The following RNPC3 variants were observed in gnomAD, a reference collection of about 807,000 sequenced individuals.
The protein encoded by RNPC3 is RNA binding region (RNP1, RRM) containing 3, also known as RNA-binding region-containing protein 3.
A neutral mutation model predicts 67.5 loss-of-function variants in RNPC3; 48 were observed. The ratio of observed to expected loss-of-function variants is 0.71; its 90% CI spans 0.56 to 0.90. The LOEUF is 0.90. RNPC3 is among the 40% of genes least tolerant of loss of function. The pLI, the probability that RNPC3 is intolerant of heterozygous loss-of-function variation, is 0.00. For missense variants in RNPC3, 637 were observed against 626.1 expected (o/e 1.02, Z -0.19); for synonymous variants, 239 against 210.3 (o/e 1.14, Z -1.18).
intron 12 of RNPC3, among the ~76,000 whole-genome samples, chr1:103,550,640 CAAAAA>C (rs34109337): frequency 2.3e-4 from 20 of 88,646 alleles, no homozygotes; most frequent in Admixed American, 2.1e-3. Context: ...GACTCTGTCT[CAAAAA>C]AAAAAAAAAA....
chr1:103,545,807 A>C (rs1196560911), intron 10 of RNPC3: 1 of 152,428 alleles, frequency 6.6e-6, no homozygotes, highest in Non-Finnish European at 1.5e-5. Context: ...TGGTTTGGGA[A>C]ATTCACTTTA....
chr1:103,548,053 G>C (rs1039746613), intron 12 of RNPC3, among the ~76,000 whole-genome samples: 1 of 152,128 alleles, frequency 6.6e-6, no homozygotes, highest in Non-Finnish European at 1.5e-5. Flanking sequence ...CTGGGACACA[G>C]AGCACCAAGT....
At chr1:103,534,881 T>G in intron 4 of RNPC3, 24 bp downstream of exon 4, 1 of 1,436,808 alleles carries the variant, frequency 7.0e-7, no homozygotes, top group Non-Finnish European at 9.4e-7. Context: ...TTTGCTTTTC[T>G]TTTGCTTTTG....
chr1:103,553,746 A>C (rs999533353), intron 14 of RNPC3: 2 of 152,218 alleles, frequency 1.3e-5, no homozygotes, highest in African/African-American at 4.8e-5. Context: ...AAGTACTTAC[A>C]TTGAAAATTA....
At chr1:103,533,465 T>A (rs923510247) in intron 2 of RNPC3, among the ~76,000 whole-genome samples, 3 of 152,008 alleles carry the variant, frequency 2.0e-5, no homozygotes, top group Admixed American at 6.6e-5. Context: ...CAGGGAAATT[T>A]GTTAGTTTGT....
rs1651211313 is a variant in RNPC3, at chr1:103,545,054, G to C, written c.1159G>C (p.Glu387Gln). ...IKEDSDEMPS[E>Q]CISRRELEKG... ...AGAAGACTCTGATGAAATGCCTTCA[G>C]AATGTATTTCTAGAAGGGAATTGGA... Residue 387 changes from glutamate to glutamine, a missense_variant, in exon 10 of 15, where the codon GAA becomes CAA. By Grantham distance (29) the Glu-to-Gln change is conservative. This residue lies in a region of RNPC3 where 536 missense variants were observed against 500.3 expected (regional missense o/e 1.07). Coordinates refer to ENST00000423855, the MANE Select transcript of RNPC3 (RefSeq NM_017619.4). The C allele has an allele frequency of 1.1e-5, 17 of 1,534,260 alleles. No individual in the cohort carries two copies. The highest frequency in any genetic ancestry group is 1.5e-5 in the Non-Finnish European group (17 of 1,145,188).
chr1:103,534,743 A>G (rs1450068359), intron 3 of RNPC3, 31 bp from the exon 4 acceptor site: 12 of 1,298,708 alleles, frequency 9.2e-6, no homozygotes, highest in South Asian at 1.4e-5. Context: ...CTTTGGAAAG[A>G]TAAGATTAAC....
Position 103,526,281 on chromosome 1 carries a change from G to A in RNPC3, c.192+19G>A, listed in dbSNP as rs184721860. 68 of 1,513,272 alleles carry A rather than the reference G, an allele frequency of 4.5e-5. No individual in the cohort carries two copies. The highest frequency in any genetic ancestry group is 5.8e-5 in the Non-Finnish European group (65 of 1,124,340). The allele number at this position is 1,513,272 out of a possible 1,614,324, so 93.7% of individuals were successfully genotyped here. A position where few individuals can be genotyped will look rare whatever the true frequency, so the allele number is the denominator to read the frequency against. Reference sequence around the variant, plus strand: ...GCGACTGGTAAGGGCGCGCCCCTCCGGAGTCTCCCGGGAAGGCATTTGGGA... The same window carrying A: ...GCGACTGGTAAGGGCGCGCCCCTCCAGAGTCTCCCGGGAAGGCATTTGGGA... On this transcript the variant is annotated intron_variant, in intron 1 of 14. Coordinates refer to ENST00000423855, the MANE Select transcript of RNPC3 (RefSeq NM_017619.4).
chr1:103,529,645 T>A (rs1038462799), intron 2 of RNPC3, among the ~76,000 whole-genome samples: 3 of 152,252 alleles, frequency 2.0e-5, no homozygotes, highest in Admixed American at 6.5e-5. Context: ...TCAGGTTAGA[T>A]GACCTTCATT....
intron 12 of RNPC3, among the ~76,000 whole-genome samples, chr1:103,550,738 A>G (rs961795827): frequency 6.6e-6 from 1 of 152,124 alleles, no homozygotes; most frequent in African/African-American, 2.4e-5. Context: ...AGTTAAAAGT[A>G]TATCTTAAAC....
At chr1:103,526,961 T>TA (rs1340938433) in intron 1 of RNPC3, among the ~76,000 whole-genome samples, 2 of 152,116 alleles carry the variant, frequency 1.3e-5, no homozygotes, top group Non-Finnish European at 2.9e-5. Context: ...AGTTGAGAGT[T>TA]ACTGAATTAG....
At chr1:103,529,968 C>CA (rs1295920238) in intron 2 of RNPC3, among the ~76,000 whole-genome samples, 2 of 152,132 alleles carry the variant, frequency 1.3e-5, no homozygotes, top group African/African-American at 2.4e-5. Context: ...ACTGCACATG[C>CA]AAGGGATCTA....
chr1:103,533,832 A>G lies in RNPC3; in HGVS notation c.334A>G (p.Thr112Ala). ...AGATCGAGTTCACTCCCCATGTCCC[A>G]CTTCAGGCTCTGAAAAAAAAAAAAG... ...EQDRVHSPCP[T>A]SGSEKKKRSD... The change falls in exon 3 of 15, where the codon ACT (threonine) becomes GCT (alanine). Residue 112 changes from threonine (T) to alanine (A), a missense_variant. By Grantham distance (58) the Thr-to-Ala change is moderately conservative (BLOSUM62 0). Around this residue, in one of 3 missense-constraint regions of RNPC3, gnomAD observed 536 missense variants for 500.3 expected, o/e 1.07. Coordinates refer to ENST00000423855, the MANE Select transcript of RNPC3 (RefSeq NM_017619.4). 1 of 1,521,738 alleles carries G rather than the reference A, an allele frequency of 6.6e-7. No individual in the cohort carries two copies. The highest frequency in any genetic ancestry group is 8.8e-7 in the Non-Finnish European group (1 of 1,134,836). The allele number at this position is 1,521,738 out of a possible 1,614,324, so 94.3% of individuals were successfully genotyped here.
intron 12 of RNPC3, among the ~76,000 whole-genome samples, chr1:103,549,685 GGAATA>G (rs1296838352): frequency 3.9e-5 from 6 of 152,066 alleles, no homozygotes; most frequent in African/African-American, 1.4e-4. Context: ...ATGGATACAT[GGAATA>G]GTAGATCACT....
intron 7 of RNPC3, among the ~76,000 whole-genome samples, chr1:103,539,733 A>AG (rs1254093549): frequency 6.6e-6 from 1 of 152,236 alleles, no homozygotes; most frequent in East Asian, 1.9e-4. Context: ...CCTAAACAAA[A>AG]GAAAAATGGT....
At chr1:103,553,371 A>G (rs1252820590) in intron 14 of RNPC3, 1 of 152,050 alleles carries the variant, frequency 6.6e-6, no homozygotes, top group Admixed American at 6.6e-5. Context: ...TTTTTTTCCT[A>G]GAAATGTTTG....
intron 1 of RNPC3, 78 bp from the exon 2 acceptor site, chr1:103,527,617 C>A (rs954395282): frequency 9.7e-7 from 1 of 1,030,198 alleles, no homozygotes; most frequent in South Asian, 1.4e-5. Context: ...TCACATTACT[C>A]CACTGGTAAA....
Position 103,536,307 on chromosome 1 carries a change from C to T in RNPC3, c.624+113C>T, listed in dbSNP as rs1415986724. The stretch of plus-strand genomic sequence containing the variant: ...TCTGATGTACATTGAAAATAAGGAA[C>T]GGGTATAAAGTAATATGATGATAAT... On this transcript the variant is annotated intron_variant, in intron 6 of 14. Coordinates refer to ENST00000423855, the MANE Select transcript of RNPC3 (RefSeq NM_017619.4). 41 of 716,970 alleles carry T rather than the reference C, an allele frequency of 5.7e-5. 1 individual carries two copies. Among genetic ancestry groups the T allele is most frequent in the South Asian group, 3.8e-4 (23 of 60,692 alleles). 44.4% of individuals were successfully genotyped at this position (716,970 alleles called of 1,614,324 possible). A position where few individuals can be genotyped will look rare whatever the true frequency, so the allele number is the denominator to read the frequency against.
In RNPC3 at chr1:103,534,877, T is replaced by G; in HGVS notation, c.443+20T>G. The G allele has an allele frequency of 6.9e-7, 1 of 1,447,152 alleles. No homozygotes were observed. The highest frequency in any genetic ancestry group is 9.3e-7 in the Non-Finnish European group (1 of 1,072,156). 89.6% of individuals were successfully genotyped at this position (1,447,152 alleles called of 1,614,324 possible). On this transcript the variant is annotated intron_variant, in intron 4 of 14. Transcript: ENST00000423855. The stretch of plus-strand genomic sequence containing the variant: ...CCATGGGTTAGCATTTTTGTTTGCT[T>G]TTCTTTTGCTTTTGTTCTGTGTTAT...
Sources: gnomAD v4.1 joint callset for allele counts (sites outside exome capture counted in the v4.1 genomes callset) on GRCh38, gnomAD v4.1.1 for gene constraint, gnomAD v4.1.1 regional missense constraint, MANE v1.5 for transcripts, NCBI Gene and HGNC (gene_info 2026-07-23, HGNC 2026-07-21) for gene names.